The following AGBL1 variants were observed in gnomAD, a reference collection of about 807,000 sequenced individuals.
AGBL1 encodes cytosolic carboxypeptidase 4.
In AGBL1, 130 loss-of-function variants were observed where a neutral mutation model predicts 118.9. The observed-to-expected ratio is 1.09, with a 90% CI of 0.95 to 1.26. The LOEUF (loss-of-function observed/expected upper bound fraction) is 1.26. AGBL1 is among the 50% of genes most tolerant of loss of function. The pLI is 0.00. For missense variants in AGBL1, 1,584 were observed against 1,298.1 expected, an observed-to-expected ratio of 1.22 and a Z score of -3.38; for synonymous variants, 555 against 478.9, an observed-to-expected ratio of 1.16 and a Z score of -2.08.
intron 22 of AGBL1, among the ~76,000 whole-genome samples, chr15:86,676,841 G>A (rs2085857557): frequency 6.6e-6 from 1 of 152,136 alleles, no homozygotes; most frequent in Non-Finnish European, 1.5e-5. Flanking sequence ...GGTGGCTCAT[G>A]CCTGTAATCT....
rs758468484 is a variant in AGBL1, at chr15:86,154,408, A to T, written c.263-22A>T. On this transcript the variant is annotated intron_variant, in intron 3 of 22. Coordinates refer to ENST00000614907, the MANE Select transcript of AGBL1 (RefSeq NM_001386094.1). The stretch of plus-strand genomic sequence containing the variant: ...AGAATCAATGTGAAGTGCAACTAAG[A>T]TAGATTGATTTGTGTTCTTAGATAA... 5.0e-6 allele frequency: 8 copies of T among 1,608,076 alleles called. No individual in the cohort carries two copies. In the South Asian group the frequency reaches 8.9e-5, roughly 18 times the overall value.
At chr15:86,838,479 T>C (rs1411295543) in intron 22 of AGBL1, among the ~76,000 whole-genome samples, 1 of 152,194 alleles carries the variant, frequency 6.6e-6, no homozygotes, top group African/African-American at 2.4e-5. Flanking sequence ...GGAAAATATA[T>C]GGCCCAGGAA....
chr15:86,817,293 GAA>G (rs71144068), intron 22 of AGBL1, among the ~76,000 whole-genome samples: 2 of 127,592 alleles, frequency 1.6e-5, no homozygotes, highest in African/African-American at 5.8e-5. Context: ...ACTCCATCTG[GAA>G]AAAAAAAAAA....
chr15:86,257,804 G>A (rs2078920758), intron 8 of AGBL1, among the ~76,000 whole-genome samples, 160 bp from the exon 9 acceptor site: 2 of 152,092 alleles, frequency 1.3e-5, no homozygotes, highest in Admixed American at 6.6e-5. Context: ...CATTTATACC[G>A]ACCAATAAGC....
chr15:86,862,922 A>G (rs1448400895), intron 22 of AGBL1, among the ~76,000 whole-genome samples: 4 of 152,186 alleles, frequency 2.6e-5, no homozygotes, highest in African/African-American at 9.7e-5. Flanking sequence ...AATTGGACCA[A>G]ACATGGTAGC....
At chr15:86,417,660 G>C (rs1189352231) in intron 18 of AGBL1, among the ~76,000 whole-genome samples, 1 of 152,184 alleles carries the variant, frequency 6.6e-6, no homozygotes, top group Non-Finnish European at 1.5e-5. Flanking sequence ...ACTTCTTGTA[G>C]CATCTACATT....
chr15:86,983,606 T>A (rs1371124577), intron 23 of AGBL1, among the ~76,000 whole-genome samples: 2 of 152,202 alleles, frequency 1.3e-5, no homozygotes, highest in South Asian at 2.1e-4. Flanking sequence ...TGGTTTGATA[T>A]CTTTTGACAA....
chr15:86,439,034 A>G (rs1016884294), intron 18 of AGBL1, among the ~76,000 whole-genome samples: 6 of 152,012 alleles, frequency 3.9e-5, no homozygotes, highest in African/African-American at 1.4e-4. Context: ...TCTGCTATTG[A>G]AAATCTTGTT....
rs975290429 is a variant in AGBL1 at position 86,657,859 on chromosome 15, A to G, written c.2995-16414A>G. On this transcript the variant is annotated intron_variant, in intron 21 of 22. Coordinates refer to ENST00000614907, the MANE Select transcript of AGBL1 (RefSeq NM_001386094.1). ...AAGGGCTTCTGATGGGCCAGCAGCCATGGTGTCTTGGTGGGAAGCACCCTG... is the reference window on the plus strand; with the variant it reads ...AAGGGCTTCTGATGGGCCAGCAGCCGTGGTGTCTTGGTGGGAAGCACCCTG... Among the ~76,000 whole-genome samples the G allele has an allele frequency of 4.0e-5, 6 of 151,896 alleles. No homozygotes were observed. In the East Asian group the frequency reaches 5.8e-4, roughly 15 times the overall value.
chr15:86,159,374 A>C (rs1567094555), intron 5 of AGBL1, among the ~76,000 whole-genome samples: 1 of 152,152 alleles, frequency 6.6e-6, no homozygotes, highest in Non-Finnish European at 1.5e-5. Context: ...TTTTTGCCTG[A>C]AGCCCTCAGG....
At position 86,651,665 on chromosome 15, in the gene AGBL1, T is replaced by A. The variant is rs185776564; in HGVS notation, c.2995-22608T>A. Among the ~76,000 whole-genome samples, 27 of 152,306 alleles carry A rather than the reference T, an allele frequency of 1.8e-4. No individual in the cohort carries two copies. The East Asian group carries it at 4.8e-3, about 27-fold the overall frequency. On this transcript the variant is annotated intron_variant, in intron 21 of 22. Transcript: ENST00000614907. ...CCTGTTTTCCCACTCCTCTTTCTTC[T>A]CATTTTCTTAGTTACATGAAACTTC...
At chr15:87,025,725 C>T (rs148367496) in intron 24 of AGBL1, among the ~76,000 whole-genome samples, 4,362 of 151,660 alleles carry the variant, frequency 0.029, 87 homozygotes, top group Middle Eastern at 0.058. Flanking sequence ...AAAGAACAAA[C>T]CTGGAGGCAT....
At chr15:86,710,031 A>G (rs1424127589) in intron 22 of AGBL1, among the ~76,000 whole-genome samples, 1 of 152,158 alleles carries the variant, frequency 6.6e-6, no homozygotes, top group Non-Finnish European at 1.5e-5. Flanking sequence ...ACATGGCCAA[A>G]ATGCTAGTCT....
intron 22 of AGBL1, 148 bp from the exon 23 acceptor site, chr15:86,906,939 T>C (rs1488422115): frequency 6.6e-6 from 1 of 152,290 alleles, no homozygotes; most frequent in East Asian, 1.9e-4. Context: ...CAATTGAATG[T>C]GTTCCCTTTT....
intron 21 of AGBL1, among the ~76,000 whole-genome samples, chr15:86,631,884 T>G (rs1031398630): frequency 2.0e-5 from 3 of 152,192 alleles, no homozygotes; most frequent in African/African-American, 7.2e-5. Context: ...TGCTTCGTAC[T>G]AGTTTTAAAA....
intron 22 of AGBL1, among the ~76,000 whole-genome samples, chr15:86,738,881 G>C (rs2077638577): frequency 6.6e-6 from 1 of 152,100 alleles, no homozygotes; most frequent in Non-Finnish European, 1.5e-5. Context: ...GCTCACGCCT[G>C]TAATCTCAAC....
At chr15:86,769,171 G>GAGAGAGAGAAAGAGAGAGAA (rs72260009) in intron 22 of AGBL1, among the ~76,000 whole-genome samples, 2 of 118,532 alleles carry the variant, frequency 1.7e-5, no homozygotes, top group African/African-American at 3.6e-5. Flanking sequence ...TTCTCATTTT[G>GAGAGAGAGAAAGAGAGAGAA]AGAGGGAGAG....
chr15:86,632,274 TAAAA>T (rs138490379), intron 21 of AGBL1, among the ~76,000 whole-genome samples: 1 of 125,280 alleles, frequency 8.0e-6, no homozygotes, highest in South Asian at 2.7e-4. Context: ...TCTTTCTCTT[TAAAA>T]AAAAAAAAAA....
intron 17 of AGBL1, 141 bp from the exon 18 acceptor site, chr15:86,397,225 A>C (rs1230081629): frequency 1.7e-6 from 1 of 599,706 alleles, no homozygotes; most frequent in African/African-American, 1.9e-5. Flanking sequence ...ACATTGAAGG[A>C]AACAAAATTC....
Sources: gnomAD v4.1 joint callset for allele counts (sites outside exome capture counted in the v4.1 genomes callset) on GRCh38, gnomAD v4.1.1 for gene constraint, MANE v1.5 for transcripts, NCBI Gene and HGNC (gene_info 2026-07-23, HGNC 2026-07-21) for gene names.